The following LHFPL3 variants were observed in gnomAD, a reference collection of about 807,000 sequenced individuals.
LHFPL3 encodes LHFPL tetraspan subfamily member 3 protein.
In LHFPL3, 5 loss-of-function variants were observed where a neutral mutation model predicts 19.3. That is an observed-to-expected ratio of 0.26 (90% CI 0.14 to 0.54). The LOEUF is 0.54. LHFPL3 is among the 20% of genes least tolerant of loss of function. The pLI, the probability that LHFPL3 is intolerant of heterozygous loss-of-function variation, is 0.94. For synonymous variants in LHFPL3, 133 were observed against 126.2 expected, an observed-to-expected ratio of 1.05 and a Z score of -0.36; for missense variants, 249 against 307.4, an observed-to-expected ratio of 0.81 and a Z score of 1.42.
chr7:104,398,847 C>T (rs944627738), intron 1 of LHFPL3, among the ~76,000 whole-genome samples: 16 of 131,372 alleles, frequency 1.2e-4, no homozygotes, highest in African/African-American at 4.7e-4. Context: ...GATGCCCGCC[C>T]CCCGGCCCTG....
intron 2 of LHFPL3, among the ~76,000 whole-genome samples, chr7:104,761,671 T>G (rs1473028847): frequency 6.6e-6 from 1 of 152,180 alleles, no homozygotes; most frequent in East Asian, 1.9e-4. Context: ...CAGGATCCCT[T>G]CATTTGATTT....
intron 1 of LHFPL3, among the ~76,000 whole-genome samples, chr7:104,609,716 T>C (rs1791176096): frequency 6.6e-6 from 1 of 152,184 alleles, no homozygotes; most frequent in Admixed American, 6.5e-5. Flanking sequence ...AAGGAAGACA[T>C]CTGGAAAAAT....
At chr7:104,375,738 C>A (rs549909642) in intron 1 of LHFPL3, among the ~76,000 whole-genome samples, 1 of 152,342 alleles carries the variant, frequency 6.6e-6, no homozygotes, top group East Asian at 1.9e-4. Flanking sequence ...CTCACAAACA[C>A]TATCCTGGAT....
intron 2 of LHFPL3, among the ~76,000 whole-genome samples, chr7:104,899,110 T>A (rs1457433562): frequency 6.6e-6 from 1 of 151,592 alleles, no homozygotes; most frequent in Non-Finnish European, 1.5e-5. Flanking sequence ...CTCTAATATA[T>A]ATATATATAT....
chr7:104,628,399 C>T (rs1791583567), intron 1 of LHFPL3, among the ~76,000 whole-genome samples: 1 of 152,150 alleles, frequency 6.6e-6, no homozygotes, highest in Non-Finnish European at 1.5e-5. Flanking sequence ...CATACATAAT[C>T]CTCAGATACT....
chr7:104,723,656 A>G (rs549767967), intron 1 of LHFPL3, among the ~76,000 whole-genome samples: 16 of 133,774 alleles, frequency 1.2e-4, no homozygotes, highest in African/African-American at 4.5e-4. Flanking sequence ...CGCGAGGTAG[A>G]GGTTGCAGTG....
intron 2 of LHFPL3, among the ~76,000 whole-genome samples, chr7:104,835,509 A>C (rs530261981): frequency 2.0e-5 from 3 of 151,720 alleles, no homozygotes; most frequent in Non-Finnish European, 4.4e-5. Flanking sequence ...TTGAGCACCT[A>C]CTATGTGCTA....
At chr7:104,440,766 A>T (rs1424298688) in intron 1 of LHFPL3, among the ~76,000 whole-genome samples, 1 of 152,196 alleles carries the variant, frequency 6.6e-6, no homozygotes, top group African/African-American at 2.4e-5. Flanking sequence ...GGTTATCTAC[A>T]TGTAGAATAT....
intron 2 of LHFPL3, among the ~76,000 whole-genome samples, chr7:104,901,208 C>A (rs886178251): frequency 6.6e-6 from 1 of 152,210 alleles, no homozygotes; most frequent in East Asian, 1.9e-4. Context: ...CTTGCCAAGC[C>A]TTCAGGTGGA....
chr7:104,723,083 G>A (rs774098274), intron 1 of LHFPL3, among the ~76,000 whole-genome samples: 11 of 152,074 alleles, frequency 7.2e-5, no homozygotes, highest in Admixed American at 2.0e-4. Context: ...AATTACAAAG[G>A]TTTGTGGATT....
chr7:104,404,675 G>A (rs865895280), intron 1 of LHFPL3, among the ~76,000 whole-genome samples: 7 of 152,152 alleles, frequency 4.6e-5, no homozygotes, highest in Non-Finnish European at 7.4e-5. Flanking sequence ...GACTGTATTA[G>A]GAAGGAGCCC....
chr7:104,567,035 G>T (rs191939700), intron 1 of LHFPL3, among the ~76,000 whole-genome samples: 66 of 152,222 alleles, frequency 4.3e-4, no homozygotes, highest in Non-Finnish European at 8.2e-4. Flanking sequence ...GGCTTCATTT[G>T]CAAAGCTTCT....
intron 2 of LHFPL3, among the ~76,000 whole-genome samples, chr7:104,830,438 T>G (rs1282296493): frequency 3.3e-5 from 5 of 151,986 alleles, no homozygotes; most frequent in South Asian, 4.1e-4. Context: ...TTGCCTAGGT[T>G]TGCTTCTAGG....
chr7:104,398,850 C>CAAT (rs1791251342), intron 1 of LHFPL3, among the ~76,000 whole-genome samples: 4 of 66,824 alleles, frequency 6.0e-5, no homozygotes, highest in East Asian at 3.8e-4. Context: ...GCCCGCCCCC[C>CAAT]GGCCCTGAAT....
intron 1 of LHFPL3, among the ~76,000 whole-genome samples, chr7:104,385,576 G>T (rs895854789): frequency 6.6e-6 from 1 of 152,088 alleles, no homozygotes; most frequent in Non-Finnish European, 1.5e-5. Context: ...TGTCTCTCTT[G>T]GTGACACCTG....
chr7:104,692,749 T>C (rs1029736537), intron 1 of LHFPL3, among the ~76,000 whole-genome samples: 2 of 152,194 alleles, frequency 1.3e-5, no homozygotes, highest in African/African-American at 4.8e-5. Context: ...TTCCTGGATG[T>C]CCAGGCAGAA....
At chr7:104,370,620 C>T (rs559826217) in intron 1 of LHFPL3, among the ~76,000 whole-genome samples, 38 of 152,308 alleles carry the variant, frequency 2.5e-4, no homozygotes, top group Admixed American at 1.4e-3. Context: ...TGGTGGCTCA[C>T]GCCTGTAATC....
chr7:104,396,886 C>T (rs1409816818), intron 1 of LHFPL3, among the ~76,000 whole-genome samples: 1 of 152,020 alleles, frequency 6.6e-6, no homozygotes, highest in South Asian at 2.1e-4. Flanking sequence ...TGGTGGATCA[C>T]TTGAGTCTAG....
intron 1 of LHFPL3, among the ~76,000 whole-genome samples, chr7:104,547,422 A>G (rs1177968967): frequency 6.6e-6 from 1 of 152,192 alleles, no homozygotes; most frequent in Non-Finnish European, 1.5e-5. Flanking sequence ...GTAGAGCAGT[A>G]TATTCCAGGG....
Sources: gnomAD v4.1 joint callset for allele counts (sites outside exome capture counted in the v4.1 genomes callset) on GRCh38, gnomAD v4.1.1 for gene constraint, MANE v1.5 for transcripts, NCBI Gene and HGNC (gene_info 2026-07-23, HGNC 2026-07-21) for gene names.